EFCAB6: variants seen among roughly 807,000 people sequenced by gnomAD.
The protein encoded by EFCAB6 is EF-hand calcium-binding domain-containing protein 6.
Under a neutral mutation model 169.8 loss-of-function variants are expected in EFCAB6, and 156 were observed. That is an observed-to-expected ratio of 0.92 (90% CI 0.81 to 1.05). The LOEUF (loss-of-function observed/expected upper bound fraction) is 1.05, where lower values mean the gene tolerates loss of function less well. Among genes scored for constraint, EFCAB6 ranks in the 50% least tolerant of loss-of-function variants. The pLI is 0.00. For synonymous variants in EFCAB6, 698 were observed against 676.4 expected, an observed-to-expected ratio of 1.03 and a Z score of -0.50; for missense variants, 1,800 against 1,829.1, an observed-to-expected ratio of 0.98 and a Z score of 0.29.
intron 13 of EFCAB6, 21 bp downstream of exon 13, chr22:43,677,975 G>C (rs1325940636): frequency 2.5e-6 from 4 of 1,596,816 alleles, no homozygotes; most frequent in Non-Finnish European, 3.4e-6. Context: ...AAACCAAACA[G>C]GAAGTTGTTA....
intron 13 of EFCAB6, among the ~76,000 whole-genome samples, chr22:43,675,932 C>A (rs1302336580): frequency 6.6e-6 from 1 of 151,694 alleles, no homozygotes; most frequent in Non-Finnish European, 1.5e-5. Flanking sequence ...GAGATCTGTG[C>A]ACAAAGATGT....
At chr22:43,539,838 G>A (rs530898392) in intron 28 of EFCAB6, among the ~76,000 whole-genome samples, 2 of 152,302 alleles carry the variant, frequency 1.3e-5, no homozygotes, top group African/African-American at 2.4e-5. Context: ...ACTGCACTGC[G>A]GACAGGTGCC....
intron 10 of EFCAB6, among the ~76,000 whole-genome samples, chr22:43,705,236 T>G (rs540713752): frequency 6.6e-6 from 1 of 152,056 alleles, no homozygotes; most frequent in Non-Finnish European, 1.5e-5. Flanking sequence ...AAGCAAATAT[T>G]AAAGGATCTG....
rs1602751936 is a variant in EFCAB6, at chr22:43,632,244, A to G, written c.2099-6T>C. The G allele has an allele frequency of 1.2e-6, 2 of 1,611,260 alleles. No individual in the cohort carries two copies. The highest frequency in any genetic ancestry group is 4.5e-5 in the East Asian group (2 of 44,802). Reference sequence around the variant, plus strand: ...CGGCCCTCTCATTGGAGGATCTGGAACAATTACAAAGATCGGGGTTTCCAT... The same window carrying G: ...CGGCCCTCTCATTGGAGGATCTGGAGCAATTACAAAGATCGGGGTTTCCAT... On this transcript the variant is annotated splice_polypyrimidine_tract_variant and splice_region_variant and intron_variant, in intron 18 of 31. Coordinates refer to ENST00000262726, the MANE Select transcript of EFCAB6 (RefSeq NM_022785.4).
intron 6 of EFCAB6, among the ~76,000 whole-genome samples, chr22:43,736,852 ACT>A (rs1227966384): frequency 3.3e-5 from 5 of 151,914 alleles, no homozygotes; most frequent in Non-Finnish European, 7.4e-5. Context: ...AGGACTGCTG[ACT>A]CTGCACAATC....
intron 6 of EFCAB6, among the ~76,000 whole-genome samples, chr22:43,746,618 C>A (rs921983706): frequency 6.6e-6 from 1 of 152,174 alleles, no homozygotes; most frequent in Non-Finnish European, 1.5e-5. Flanking sequence ...GAGGGACTTA[C>A]AAGGGTGCCA....
chr22:43,541,754 CT>C (rs538103401), intron 27 of EFCAB6, among the ~76,000 whole-genome samples: 3 of 152,214 alleles, frequency 2.0e-5, no homozygotes, highest in African/African-American at 4.8e-5. Context: ...GATGGCCCCC[CT>C]GACACCTTCC....
intron 13 of EFCAB6, 24 bp downstream of exon 13, chr22:43,677,972 A>G (rs1432104532): frequency 6.3e-7 from 1 of 1,595,638 alleles, no homozygotes; most frequent in Non-Finnish European, 8.5e-7. Flanking sequence ...AGAAAACCAA[A>G]CAGGAAGTTG....
At chr22:43,598,837 A>G (rs1402488152) in intron 23 of EFCAB6, among the ~76,000 whole-genome samples, 1 of 152,214 alleles carries the variant, frequency 6.6e-6, no homozygotes, top group African/African-American at 2.4e-5. Flanking sequence ...ATTTGTAGAA[A>G]GATAAATGTT....
chr22:43,705,250 G>A (rs774704575), intron 10 of EFCAB6, among the ~76,000 whole-genome samples: 2 of 151,936 alleles, frequency 1.3e-5, no homozygotes, highest in Non-Finnish European at 2.9e-5. Flanking sequence ...GGATCTGAAG[G>A]GAAGGTCAGA....
In EFCAB6 at chr22:43,605,738, G is replaced by A. The variant is rs1456748755; in HGVS notation, c.2681+2744C>T. On this transcript the variant is annotated intron_variant, in intron 22 of 31. Coordinates refer to ENST00000262726, the MANE Select transcript of EFCAB6 (RefSeq NM_022785.4). The stretch of plus-strand genomic sequence containing the variant: ...TGATGAACGTATTGAATACCACCGA[G>A]CTGTGTGCTTAAAATTGGTGAAGAT... 2.0e-5 allele frequency among the ~76,000 whole-genome samples: 3 copies of A among 152,186 alleles called. No individual in the cohort carries two copies. In the East Asian group the frequency reaches 5.8e-4, roughly 29 times the overall value.
At chr22:43,794,108 G>A (rs2062410716) in intron 2 of EFCAB6, among the ~76,000 whole-genome samples, 1 of 152,052 alleles carries the variant, frequency 6.6e-6, no homozygotes, top group South Asian at 2.1e-4. Flanking sequence ...ATAAGCTTGA[G>A]ACCAGTGCTT....
At chr22:43,746,802 CCTTT>C (rs2060581865) in intron 6 of EFCAB6, among the ~76,000 whole-genome samples, 1 of 152,170 alleles carries the variant, frequency 6.6e-6, no homozygotes, top group Admixed American at 6.5e-5. Flanking sequence ...AGAAATCTTT[CCTTT>C]CTTTCCTTTC....
intron 2 of EFCAB6, among the ~76,000 whole-genome samples, chr22:43,801,569 TAA>T (rs1179971285): frequency 6.6e-6 from 1 of 152,190 alleles, no homozygotes; most frequent in Non-Finnish European, 1.5e-5. Context: ...TTGAGACAAT[TAA>T]AAGTCAAAAT....
intron 8 of EFCAB6, among the ~76,000 whole-genome samples, chr22:43,729,674 T>C (rs1302186713): frequency 6.6e-6 from 1 of 152,034 alleles, no homozygotes. Flanking sequence ...AATCTCTCTA[T>C]AAGAACGTGA....
intron 26 of EFCAB6, among the ~76,000 whole-genome samples, chr22:43,571,498 T>C (rs537901447): frequency 3.5e-4 from 53 of 152,322 alleles, no homozygotes; most frequent in Admixed American, 6.5e-4. Context: ...TTACTTCTTT[T>C]CTCTTCTATT....
intron 10 of EFCAB6, among the ~76,000 whole-genome samples, chr22:43,696,844 T>C (rs1013712873): frequency 2.6e-5 from 4 of 152,210 alleles, no homozygotes; most frequent in Non-Finnish European, 5.9e-5. Context: ...ATTATAGGGC[T>C]ATGAAGTGTT....
chr22:43,783,502 G>A lies in EFCAB6; in HGVS notation c.-7-1177C>T, dbSNP rs189172376. On this transcript the variant is annotated intron_variant, in intron 2 of 31. Transcript: ENST00000262726. ...ACAGAGTTATAAACTGCCTAGCTAA[G>A]TGTTGAAGGAATGCTCCAATACAAA... Among the ~76,000 whole-genome samples, 4 of 152,308 alleles carry A rather than the reference G, an allele frequency of 2.6e-5. No homozygotes were observed. In the East Asian group the frequency reaches 7.7e-4, roughly 29 times the overall value.
In EFCAB6 at chr22:43,799,959, C is replaced by T. The variant is rs141760938; in HGVS notation, c.-8+9036G>A. Among the ~76,000 whole-genome samples, 68 of 152,240 alleles carry T rather than the reference C, an allele frequency of 4.5e-4. 1 individual carries two copies. In the Middle Eastern group the frequency reaches 0.02, roughly 46 times the overall value. ...ACCAGCTTCTCCACCATCTTGGGTT[C>T]GCTGGCAGGAGACCTATCCCTGCCT... is the stretch of plus-strand genomic sequence containing the variant. On this transcript the variant is annotated intron_variant, in intron 2 of 31. Coordinates refer to ENST00000262726, the MANE Select transcript of EFCAB6 (RefSeq NM_022785.4).
Sources: gnomAD v4.1 joint callset for allele counts (sites outside exome capture counted in the v4.1 genomes callset) on GRCh38, gnomAD v4.1.1 for gene constraint, MANE v1.5 for transcripts, NCBI Gene and HGNC (gene_info 2026-07-23, HGNC 2026-07-21) for gene names.